ITGBL1: variants seen among roughly 807,000 people sequenced by gnomAD.
ITGBL1 encodes integrin subunit beta like 1, also known as integrin beta-like protein 1.
A neutral mutation model predicts 68.5 loss-of-function variants in ITGBL1; 51 were observed. The observed-to-expected ratio is 0.74, with a 90% CI of 0.59 to 0.94. ITGBL1 has a LOEUF of 0.94. Among genes scored for constraint, ITGBL1 ranks in the 40% least tolerant of loss-of-function variants. ITGBL1 has a pLI of 0.00. For synonymous variants in ITGBL1, 209 were observed against 227.3 expected (o/e 0.92, Z 0.72); for missense variants, 649 against 647.4 (o/e 1.00, Z -0.03).
chr13:101,628,729 C>G (rs567399963), intron 7 of ITGBL1, among the ~76,000 whole-genome samples: 1 of 151,630 alleles, frequency 6.6e-6, no homozygotes, highest in Non-Finnish European at 1.5e-5. Context: ...CGTGAGCCAC[C>G]ACACCCAGCC....
chr13:101,634,941 G>GGTGTGTGTGTGTGTGTGT (rs59309809), intron 7 of ITGBL1, among the ~76,000 whole-genome samples: 2 of 145,808 alleles, frequency 1.4e-5, no homozygotes, highest in African/African-American at 5.0e-5. Context: ...ATAAGCAAAA[G>GGTGTGTGTGTGTGTGTGT]GTGTGTGTGT....
chr13:101,526,042 C>A (rs2049371055), intron 2 of ITGBL1, among the ~76,000 whole-genome samples: 1 of 151,870 alleles, frequency 6.6e-6, no homozygotes, highest in Non-Finnish European at 1.5e-5. Context: ...ATCAAGAAGT[C>A]TGTTTCACTC....
chr13:101,720,530 C>CTGTGTGTGTGTGTGTGTGTG (rs56200654), downstream of ITGBL1: 1 of 147,572 alleles, frequency 6.8e-6, no homozygotes, highest in African/African-American at 2.5e-5. Flanking sequence ...GGTGTTTGCT[C>CTGTGTGTGTGTGTGTGTGTG]TGTGTGTGTG....
intron 7 of ITGBL1, among the ~76,000 whole-genome samples, chr13:101,607,097 G>A (rs181532091): frequency 9.9e-5 from 15 of 151,986 alleles, no homozygotes; most frequent in African/African-American, 3.4e-4. Flanking sequence ...TATAAATGAT[G>A]TGTTTATGCT....
At chr13:101,592,442 AATT>A (rs1433638349) in intron 6 of ITGBL1, among the ~76,000 whole-genome samples, 3 of 152,176 alleles carry the variant, frequency 2.0e-5, no homozygotes, top group Non-Finnish European at 4.4e-5. Context: ...TTAGGAATAA[AATT>A]AACCAAGGAT....
intron 2 of ITGBL1, among the ~76,000 whole-genome samples, chr13:101,567,304 A>C (rs527451387): frequency 6.6e-6 from 1 of 152,098 alleles, no homozygotes; most frequent in Non-Finnish European, 1.5e-5. Context: ...AAGAGTCTTT[A>C]TTCATGGTTT....
At chr13:101,608,384 C>G (rs541310397) in intron 7 of ITGBL1, among the ~76,000 whole-genome samples, 1,789 of 127,562 alleles carry the variant, frequency 0.014, 15 homozygotes, top group Middle Eastern at 0.062. Context: ...TTTTTTTTTT[C>G]TTTTTGACCT....
intron 7 of ITGBL1, among the ~76,000 whole-genome samples, chr13:101,605,536 GTATA>G (rs1057303183): frequency 4.0e-5 from 6 of 149,190 alleles, no homozygotes; most frequent in African/African-American, 1.5e-4. Context: ...ATGTATATGC[GTATA>G]TATACACGTA....
At chr13:101,497,707 G>A (rs1030551007) in intron 2 of ITGBL1, among the ~76,000 whole-genome samples, 2 of 152,168 alleles carry the variant, frequency 1.3e-5, no homozygotes, top group African/African-American at 4.8e-5. Context: ...GAAGCTCTCG[G>A]TCCTTACTCC....
rs150942871 is a variant in ITGBL1, at chr13:101,467,379, G to A, written c.316+13279G>A. Among the ~76,000 whole-genome samples the A allele has an allele frequency of 1.9e-3, 285 of 152,322 alleles. 2 individuals are homozygous for A. Among genetic ancestry groups the A allele is most frequent in the Non-Finnish European group, 3.5e-3 (241 of 68,026 alleles). Reference sequence around the variant, plus strand: ...AAGGTGGAAAAGTCTGGTACAGCTAGACTGAGAGTATCAGGGGAATTTACC... The same window carrying A: ...AAGGTGGAAAAGTCTGGTACAGCTAAACTGAGAGTATCAGGGGAATTTACC... On this transcript the variant is annotated intron_variant, in intron 2 of 10. Coordinates refer to ENST00000376180, the MANE Select transcript of ITGBL1 (RefSeq NM_004791.3).
intron 7 of ITGBL1, among the ~76,000 whole-genome samples, chr13:101,610,678 A>C (rs2031083196): frequency 6.6e-6 from 1 of 152,132 alleles, no homozygotes; most frequent in Non-Finnish European, 1.5e-5. Context: ...CTGTAATGGC[A>C]AAGTTGAGTA....
intron 2 of ITGBL1, among the ~76,000 whole-genome samples, chr13:101,536,306 G>A (rs771573239): frequency 5.9e-5 from 9 of 151,852 alleles, no homozygotes; most frequent in Admixed American, 2.0e-4. Flanking sequence ...ACTTCTAGAC[G>A]CTTTCAGTTT....
At chr13:101,529,191 T>A (rs2065763) in intron 2 of ITGBL1, among the ~76,000 whole-genome samples, 109,985 of 151,680 alleles carry the variant, frequency 0.73, 39,951 homozygotes, top group South Asian at 0.78. Context: ...AAGAAATACA[T>A]ATAATTTGAG....
At chr13:101,579,173 G>A (rs745757035) in intron 4 of ITGBL1, 114 bp from the exon 5 acceptor site, 141 of 1,070,096 alleles carry the variant, frequency 1.3e-4, no homozygotes, top group Non-Finnish European at 1.8e-4. Flanking sequence ...GGCAAGGAAT[G>A]TGGAGCTGTG....
At position 101,587,663 on chromosome 13, in the gene ITGBL1, G is replaced by A. The variant is rs116719507; in HGVS notation, c.868+4307G>A. 9.0e-3 allele frequency among the ~76,000 whole-genome samples: 1,371 copies of A among 152,170 alleles called. 20 individuals are homozygous for A. The highest frequency in any genetic ancestry group is 0.031 in the African/African-American group (1,295 of 41,502). Reference sequence around the variant, plus strand: ...TGCCTAAGAAAATTATGAAAATATAGGGAAAGTTTTGGCTTAGAGTTACAT... The same window carrying A: ...TGCCTAAGAAAATTATGAAAATATAAGGAAAGTTTTGGCTTAGAGTTACAT... On this transcript the variant is annotated intron_variant, in intron 6 of 10. Transcript: ENST00000376180.
intron 7 of ITGBL1, among the ~76,000 whole-genome samples, chr13:101,654,444 C>T (rs1028655597): frequency 2.0e-5 from 3 of 152,010 alleles, no homozygotes; most frequent in Non-Finnish European, 2.9e-5. Flanking sequence ...AGACTGGGAG[C>T]GGTGGAAATG....
intron 2 of ITGBL1, among the ~76,000 whole-genome samples, chr13:101,541,448 G>C (rs1296292954): frequency 6.6e-6 from 1 of 152,014 alleles, no homozygotes; most frequent in African/African-American, 2.4e-5. Flanking sequence ...TGCTGGATTT[G>C]GTTTGCCAGT....
intron 1 of ITGBL1, 124 bp from the exon 2 acceptor site, chr13:101,453,759 G>T: frequency 2.0e-6 from 1 of 506,308 alleles, no homozygotes; most frequent in Non-Finnish European, 3.0e-6. Flanking sequence ...GTGGGCCTCA[G>T]GCGTCCTGTT....
chr13:101,530,359 A>C (rs9557685), intron 2 of ITGBL1, among the ~76,000 whole-genome samples: 1 of 152,046 alleles, frequency 6.6e-6, no homozygotes, highest in African/African-American at 2.4e-5. Flanking sequence ...CTAGTATCTT[A>C]TAAGTAAGAG....
Sources: gnomAD v4.1 joint callset for allele counts (sites outside exome capture counted in the v4.1 genomes callset) on GRCh38, gnomAD v4.1.1 for gene constraint, MANE v1.5 for transcripts, NCBI Gene and HGNC (gene_info 2026-07-23, HGNC 2026-07-21) for gene names.